UGT1A10: variants seen among roughly 807,000 people sequenced by gnomAD.
UGT1A10 encodes the protein UDP glucuronosyltransferase family 1 member A10.
UGT1A10 carries 49 observed loss-of-function variants against 45.8 expected under a neutral mutation model. The ratio of observed to expected loss-of-function variants is 1.07; its 90% CI spans 0.85 to 1.36. UGT1A10 has a LOEUF of 1.36. Ranked by LOEUF, UGT1A10 falls within the 40% of genes most tolerant of loss-of-function variation. The probability of loss-of-function intolerance (pLI) is 0.00; values close to 1 mark genes in which losing one functional copy is unlikely to be tolerated. For missense variants in UGT1A10, 745 were observed against 668.6 expected (o/e 1.11, Z -1.26); for synonymous variants, 284 against 249.7 (o/e 1.14, Z -1.29).
chr2:233,726,612 G>T (rs540444142), intron 1 of UGT1A10, among the ~76,000 whole-genome samples: 42 of 152,220 alleles, frequency 2.8e-4, no homozygotes, highest in African/African-American at 9.9e-4. Context: ...ACACTGTCCT[G>T]CCCAGATACC....
chr2:233,703,909 G>A (rs922179398), intron 1 of UGT1A10, among the ~76,000 whole-genome samples: 11 of 144,658 alleles, frequency 7.6e-5, no homozygotes, highest in African/African-American at 2.6e-4. Context: ...TTTTTTTTTT[G>A]AGACAAAATC....
intron 1 of UGT1A10, chr2:233,713,109 C>T: frequency 6.2e-7 from 1 of 1,614,208 alleles, no homozygotes; most frequent in Admixed American, 1.7e-5. Context: ...TGATGGCAGC[C>T]ACTGGCTCAG....
intron 1 of UGT1A10, chr2:233,713,976 T>C: frequency 6.3e-7 from 1 of 1,596,898 alleles, no homozygotes; most frequent in Non-Finnish European, 8.5e-7. Flanking sequence ...TTTCTGCTTC[T>C]CATTGTTGTA....
At chr2:233,760,122 C>A (rs535497865) in intron 1 of UGT1A10, 1 of 1,292,030 alleles carries the variant, frequency 7.7e-7, no homozygotes, top group East Asian at 2.5e-5. Flanking sequence ...TAATAAAGCT[C>A]CACCTTCTTT....
chr2:233,644,073 A>G (rs868003146), intron 1 of UGT1A10, among the ~76,000 whole-genome samples: 1 of 152,100 alleles, frequency 6.6e-6, no homozygotes, highest in Non-Finnish European at 1.5e-5. Context: ...TCAGTATGTC[A>G]TACTCCCCTT....
rs113010112 is a variant in UGT1A10, at chr2:233,729,455, T to A, written c.856-37579T>A. ...GAAACAGAACATTTTCTGAAGAAAT[T>A]TTTCAGAAGTATGGCAATGTTGAAC... On this transcript the variant is annotated intron_variant, in intron 1 of 4. Coordinates refer to ENST00000344644, the MANE Select transcript of UGT1A10 (RefSeq NM_019075.4). The A allele has an allele frequency of 2.5e-6, 4 of 1,614,068 alleles. No individual in the cohort carries two copies. In the African/African-American group the frequency reaches 5.3e-5, roughly 22 times the overall value.
intron 1 of UGT1A10, among the ~76,000 whole-genome samples, chr2:233,649,547 C>G (rs2125474436): frequency 6.6e-6 from 1 of 152,268 alleles, no homozygotes; most frequent in South Asian, 2.1e-4. Context: ...ATCAAATCAA[C>G]TATCAGGCTG....
rs779987960 is a variant in UGT1A10, at chr2:233,672,060, G to A, written c.855+34683G>A. On this transcript the variant is annotated intron_variant, in intron 1 of 4. Transcript: ENST00000344644. ...ATGGGAGCCACTGGTTCACCATGAG[G>A]TCGGTGGTGGAGAAACTCATTCTCA... The A allele has an allele frequency of 1.9e-5, 30 of 1,614,030 alleles. 1 individual carries two copies. The South Asian group carries it at 2.7e-4, about 15-fold the overall frequency.
At chr2:233,679,999 T>C (rs1390712998) in intron 1 of UGT1A10, among the ~76,000 whole-genome samples, 3 of 152,198 alleles carry the variant, frequency 2.0e-5, no homozygotes, top group Non-Finnish European at 1.5e-5. Flanking sequence ...TCTTTTCTTC[T>C]CTTTTCTTTC....
At chr2:233,761,816 G>C (rs374860940) in intron 1 of UGT1A10, among the ~76,000 whole-genome samples, 3 of 152,178 alleles carry the variant, frequency 2.0e-5, no homozygotes, top group Admixed American at 6.5e-5. Flanking sequence ...AACAGGAGAG[G>C]CTCCTTCAGA....
rs182452303 is a variant in UGT1A10, at chr2:233,698,543, T to C, written c.855+61166T>C. On this transcript the variant is annotated intron_variant, in intron 1 of 4. Coordinates refer to ENST00000344644, the MANE Select transcript of UGT1A10 (RefSeq NM_019075.4). ...ATACATAAAGTAAACAGAACACGAG[T>C]GGCCAACAAAACTTTAAGAACATGT... Among the ~76,000 whole-genome samples the C allele has an allele frequency of 5.0e-4, 76 of 152,258 alleles. 2 individuals carry two copies. Among genetic ancestry groups the C allele is most frequent in the Admixed American group, 4.9e-3 (75 of 15,286 alleles).
At chr2:233,754,918 G>A (rs1172980350) in intron 1 of UGT1A10, 1 of 1,353,118 alleles carries the variant, frequency 7.4e-7, no homozygotes. Flanking sequence ...TTCTCCAGCG[G>A]GTTTCCCAAG....
chr2:233,668,005 C>T (rs932189592), intron 1 of UGT1A10, among the ~76,000 whole-genome samples: 3 of 152,018 alleles, frequency 2.0e-5, no homozygotes, highest in Non-Finnish European at 2.9e-5. Flanking sequence ...ACTAAGAATT[C>T]CCATATATCT....
intron 1 of UGT1A10, among the ~76,000 whole-genome samples, chr2:233,742,411 A>G (rs566737557): frequency 5.3e-5 from 8 of 152,078 alleles, no homozygotes; most frequent in Non-Finnish European, 8.8e-5. Flanking sequence ...TAGTTTAGGA[A>G]CACCTTAAGC....
chr2:233,656,033 C>CCAGAGA (rs1364405222), intron 1 of UGT1A10, among the ~76,000 whole-genome samples: 1 of 152,000 alleles, frequency 6.6e-6, no homozygotes, highest in Admixed American at 6.6e-5. Context: ...CTGGCAAATA[C>CCAGAGA]CAGAGACAGG....
At chr2:233,750,188 A>G (rs1694384114) in intron 1 of UGT1A10, among the ~76,000 whole-genome samples, 1 of 151,886 alleles carries the variant, frequency 6.6e-6, no homozygotes, top group Non-Finnish European at 1.5e-5. Context: ...AATGTTGTGG[A>G]CAATGAAGTC....
chr2:233,754,914 A>T, intron 1 of UGT1A10: 1 of 1,353,596 alleles, frequency 7.4e-7, no homozygotes. Flanking sequence ...AATATTCTCC[A>T]GCGGGTTTCC....
chr2:233,716,299 G>A (rs2076496695), intron 1 of UGT1A10, among the ~76,000 whole-genome samples: 2 of 152,196 alleles, frequency 1.3e-5, no homozygotes, highest in South Asian at 4.1e-4. Context: ...CATCTATAAA[G>A]TCTCTTCCAC....
intron 1 of UGT1A10, chr2:233,712,898 A>G: frequency 6.2e-7 from 1 of 1,608,042 alleles, no homozygotes; most frequent in East Asian, 2.2e-5. Context: ...TTGATTTGCT[A>G]GGTGTCTCAG....
Sources: gnomAD v4.1 joint callset for allele counts (sites outside exome capture counted in the v4.1 genomes callset) on GRCh38, gnomAD v4.1.1 for gene constraint, MANE v1.5 for transcripts, NCBI Gene and HGNC (gene_info 2026-07-23, HGNC 2026-07-21) for gene names.